The following RASA2 variants were observed in gnomAD, a reference collection of about 807,000 sequenced individuals.
The protein encoded by RASA2 is RAS p21 protein activator 2, also known as ras GTPase-activating protein 2.
RASA2 carries 155 observed loss-of-function variants against 118.2 expected under a neutral mutation model. The ratio of observed to expected loss-of-function variants is 1.31; its 90% confidence interval spans 1.15 to 1.50. The LOEUF is 1.50. Among genes scored for constraint, RASA2 ranks in the 40% most tolerant of loss-of-function variants. The pLI is 0.00. For synonymous variants in RASA2, 353 were observed against 349.1 expected, an observed-to-expected ratio of 1.01 and a Z score of -0.12; for missense variants, 1,016 against 1,009.6, an observed-to-expected ratio of 1.01 and a Z score of -0.09.
At position 141,609,934 on chromosome 3, in the gene RASA2, C is replaced by T. The variant is rs757203523; in HGVS notation, c.2387C>T (p.Ser796Phe). Residue 796 changes from serine (S) to phenylalanine (F), a missense_variant, in exon 23 of 24, where the codon TCT becomes TTT. Physicochemically the swap from Ser to Phe is radical, Grantham distance 155. Around this residue, in one of 2 missense-constraint regions of RASA2, gnomAD observed 120 missense variants for 173.2 expected, o/e 0.69. Coordinates refer to ENST00000286364, the MANE Select transcript of RASA2 (RefSeq NM_006506.5). ...QGPQKEPDDY[S>F]NFVIEDSVTT... ...CCACAGAAAGAGCCTGATGATTATT[C>T]TAACTTTGTAATCGAGGATTCTGTA... The T allele has an allele frequency of 1.9e-6, 3 of 1,605,652 alleles. No individual in the cohort carries two copies. Among genetic ancestry groups the T allele is most frequent in the Non-Finnish European group, 2.5e-6 (3 of 1,176,480 alleles).
At chr3:141,489,525 C>T (rs74526480) in intron 1 of RASA2, among the ~76,000 whole-genome samples, 2,568 of 152,246 alleles carry the variant, frequency 0.017, 146 homozygotes, top group East Asian at 0.17. Context: ...AGTAGGAAAC[C>T]TTGGAAGAAA....
At chr3:141,560,843 T>C (rs1415662052) in intron 9 of RASA2, among the ~76,000 whole-genome samples, 3 of 152,172 alleles carry the variant, frequency 2.0e-5, no homozygotes, top group African/African-American at 4.8e-5. Context: ...GAGGAGTGTT[T>C]AGGTGTTTCT....
In RASA2 at chr3:141,584,434, G is replaced by A. The variant is rs1296625269; in HGVS notation, c.1753-1591G>A. ...GACAGCCAAATACTAAAAAGCCCTT[G>A]ACCAGTCAGGGTAGCATATTTATGA... On this transcript the variant is annotated intron_variant, in intron 17 of 23. Coordinates refer to ENST00000286364, the MANE Select transcript of RASA2 (RefSeq NM_006506.5). Among the ~76,000 whole-genome samples, 6 of 151,014 alleles carry A rather than the reference G, an allele frequency of 4.0e-5. No homozygotes were observed. In the East Asian group the frequency reaches 1.2e-3, roughly 29 times the overall value.
intron 9 of RASA2, among the ~76,000 whole-genome samples, chr3:141,566,659 G>A (rs2082824548): frequency 1.3e-5 from 2 of 152,124 alleles, no homozygotes; most frequent in Non-Finnish European, 2.9e-5. Context: ...AAATAATAAT[G>A]CAGGAACAGG....
intron 19 of RASA2, among the ~76,000 whole-genome samples, chr3:141,604,368 A>G (rs570148597): frequency 9.2e-5 from 14 of 152,228 alleles, no homozygotes; most frequent in African/African-American, 3.4e-4. Flanking sequence ...AAACTTGACT[A>G]TCCTATTTTT....
chr3:141,598,412 TAAAGA>T (rs980760531), intron 19 of RASA2, among the ~76,000 whole-genome samples: 1 of 152,178 alleles, frequency 6.6e-6, no homozygotes, highest in Admixed American at 6.5e-5. Flanking sequence ...TCTTTGTGAT[TAAAGA>T]AAATAAAAAC....
At chr3:141,577,195 C>A in intron 15 of RASA2, 89 bp downstream of exon 15, 1 of 968,456 alleles carries the variant, frequency 1.0e-6, no homozygotes, top group Non-Finnish European at 1.5e-6. Context: ...TTTCACTAGG[C>A]TGTATTTTCT....
At chr3:141,600,567 C>G (rs532648416) in intron 19 of RASA2, 317 of 263,446 alleles carry the variant, frequency 1.2e-3, no homozygotes, top group Non-Finnish European at 1.9e-3. Flanking sequence ...GGATCAGCTC[C>G]CTCTTCTCCT....
At chr3:141,491,351 G>A (rs1180884136) in intron 1 of RASA2, among the ~76,000 whole-genome samples, 2 of 152,148 alleles carry the variant, frequency 1.3e-5, no homozygotes, top group African/African-American at 4.8e-5. Context: ...CAGCATCTCT[G>A]CTGCTGGGGA....
At chr3:141,530,816 G>C (rs2082249011) in intron 4 of RASA2, among the ~76,000 whole-genome samples, 2 of 152,042 alleles carry the variant, frequency 1.3e-5, no homozygotes, top group Admixed American at 1.3e-4. Context: ...CTTTCCTTAT[G>C]ACCATAGCTA....
chr3:141,558,816 G>C (rs2082686844), intron 7 of RASA2, 70 bp from the exon 8 acceptor site: 6 of 1,181,590 alleles, frequency 5.1e-6, no homozygotes, highest in African/African-American at 1.5e-5. Flanking sequence ...TTTTGCAGAT[G>C]ATCATTTTTA....
intron 1 of RASA2, among the ~76,000 whole-genome samples, chr3:141,488,992 C>T (rs1412010242): frequency 3.3e-5 from 5 of 151,970 alleles, no homozygotes; most frequent in African/African-American, 1.2e-4. Flanking sequence ...TGCCAAAGAC[C>T]ACTAAGAACA....
chr3:141,503,939 A>G (rs2081824162), intron 1 of RASA2, among the ~76,000 whole-genome samples: 1 of 152,158 alleles, frequency 6.6e-6, no homozygotes, highest in African/African-American at 2.4e-5. Flanking sequence ...ACATAAATCA[A>G]CTTAAATGAA....
At chr3:141,533,647 T>C (rs1344810139) in intron 4 of RASA2, among the ~76,000 whole-genome samples, 3 of 152,216 alleles carry the variant, frequency 2.0e-5, no homozygotes, top group African/African-American at 7.2e-5. Context: ...GCTGATACTG[T>C]TATACTTGTC....
chr3:141,565,939 A>G (rs2082813650), intron 9 of RASA2, among the ~76,000 whole-genome samples: 1 of 152,116 alleles, frequency 6.6e-6, no homozygotes, highest in Non-Finnish European at 1.5e-5. Flanking sequence ...TCTTGTATTA[A>G]CCATCCCTTC....
At chr3:141,590,029 T>G in intron 19 of RASA2, 2 of 429,608 alleles carry the variant, frequency 4.7e-6, no homozygotes, top group Admixed American at 5.4e-5. Context: ...TTCAAGCTTA[T>G]TTACCAAAGC....
intron 1 of RASA2, 96 bp from the exon 2 acceptor site, chr3:141,512,059 TGTGCCACA>T: frequency 1.4e-6 from 1 of 709,912 alleles, no homozygotes; most frequent in South Asian, 1.8e-5. Flanking sequence ...TTTTTTTTTC[TGTGCCACA>T]TTAATATGTT....
Position 141,571,405 on chromosome 3 carries a change from G to C in RASA2, c.1021-1G>C, listed in dbSNP as rs1245996508. On this transcript the variant is annotated splice_acceptor_variant, in intron 10 of 23. Transcript: ENST00000286364. LOFTEE classifies it high-confidence loss of function. ...CTTGTTTTCTACCTTTCTGTATTTA[G>C]CCAATATCTGCCTCAGCTGCTTACA... 1 of 1,610,820 alleles carries C rather than the reference G, an allele frequency of 6.2e-7. No individual in the cohort carries two copies.
At chr3:141,507,926 A>T (rs1193827669) in intron 1 of RASA2, among the ~76,000 whole-genome samples, 1 of 152,198 alleles carries the variant, frequency 6.6e-6, no homozygotes, top group Non-Finnish European at 1.5e-5. Context: ...ACAGGAAGAC[A>T]TACACTGAAG....
Sources: gnomAD v4.1 joint callset for allele counts (sites outside exome capture counted in the v4.1 genomes callset) on GRCh38, gnomAD v4.1.1 for gene constraint, gnomAD v4.1.1 regional missense constraint, MANE v1.5 for transcripts, NCBI Gene and HGNC (gene_info 2026-07-23, HGNC 2026-07-21) for gene names.